The following CALN1 variants were observed in gnomAD, a reference collection of about 807,000 sequenced individuals.
CALN1 encodes the protein calneuron 1, also known as calcium-binding protein 8.
A neutral mutation model predicts 30.6 loss-of-function variants in CALN1; 17 were observed. That is an observed-to-expected ratio of 0.56 (90% CI 0.38 to 0.83). The LOEUF (loss-of-function observed/expected upper bound fraction) is 0.83. CALN1 is among the 40% of genes least tolerant of loss of function. CALN1 has a pLI of 0.00. For synonymous variants in CALN1, 156 were observed against 131.4 expected (o/e 1.19, Z -1.28); for missense variants, 291 against 354.9 (o/e 0.82, Z 1.45).
rs1217388366 is a variant in CALN1, at chr7:71,897,965, C to CAAA, written c.502-87476_502-87474dup. ...GCCAAGGAGTAGTGTTGGAAAAAAA[C>CAAA]AAAAAACAAAAAAAAAAAAAAAAAA... On this transcript the variant is annotated intron_variant, in intron 5 of 6. Coordinates refer to ENST00000395275, the MANE Select transcript of CALN1 (RefSeq NM_031468.4). 8.9e-3 allele frequency among the ~76,000 whole-genome samples: 489 copies of CAAA among 55,096 alleles called. 29 individuals carry two copies. Among genetic ancestry groups the CAAA allele is most frequent in the Non-Finnish European group, 9.9e-3 (275 of 27,854 alleles). The allele number at this position is 55,096 out of a possible 152,430, so 36.1% of individuals were successfully genotyped here.
chr7:71,914,914 C>G (rs1272713095), intron 5 of CALN1, among the ~76,000 whole-genome samples: 2 of 152,002 alleles, frequency 1.3e-5, no homozygotes, highest in African/African-American at 4.8e-5. Context: ...AGTCTAATAT[C>G]CAGTATATAT....
chr7:72,223,597 C>A (rs1044660515), intron 3 of CALN1, among the ~76,000 whole-genome samples: 1 of 152,112 alleles, frequency 6.6e-6, no homozygotes, highest in Non-Finnish European at 1.5e-5. Context: ...CCCTCACAGG[C>A]CCCCACAAAA....
At chr7:71,835,607 A>G (rs1294153667) in intron 5 of CALN1, among the ~76,000 whole-genome samples, 2 of 152,236 alleles carry the variant, frequency 1.3e-5, no homozygotes, top group East Asian at 3.8e-4. Context: ...TTGCTTATGA[A>G]ATTTTAATTA....
At chr7:72,472,233 G>A in the CALN1 span, among the ~76,000 whole-genome samples, 12 of 152,252 alleles carry the variant, frequency 7.9e-5, no homozygotes, top group South Asian at 2.1e-4. Context: ...CTTCCCACCC[G>A]CAGCATCTCC....
chr7:72,261,860 A>G (rs1395342800), intron 3 of CALN1, among the ~76,000 whole-genome samples: 1 of 152,188 alleles, frequency 6.6e-6, no homozygotes, highest in Non-Finnish European at 1.5e-5. Context: ...CCACTGAAAC[A>G]AAAATGGCCT....
At chr7:72,011,299 G>C (rs762719132) in intron 5 of CALN1, among the ~76,000 whole-genome samples, 1 of 152,230 alleles carries the variant, frequency 6.6e-6, no homozygotes, top group Non-Finnish European at 1.5e-5. Context: ...CCCAGTGTCT[G>C]GCTGGGAGGA....
At chr7:72,396,254 A>AAAAG (rs1198752752) in intron 2 of CALN1, among the ~76,000 whole-genome samples, 2 of 78,136 alleles carry the variant, frequency 2.6e-5, no homozygotes, top group South Asian at 4.2e-4. Context: ...AAAAAAAAAA[A>AAAAG]AAAGAAAGAA....
At chr7:72,129,465 G>A (rs537576357) in intron 3 of CALN1, among the ~76,000 whole-genome samples, 2 of 152,278 alleles carry the variant, frequency 1.3e-5, no homozygotes, top group Admixed American at 6.5e-5. Flanking sequence ...TAGATAGACA[G>A]ATAGATGAAT....
At chr7:71,827,771 T>TAAAAAA (rs1554347602) in intron 5 of CALN1, among the ~76,000 whole-genome samples, 1 of 96,940 alleles carries the variant, frequency 1.0e-5, no homozygotes, top group African/African-American at 3.4e-5. Context: ...GACTCCATCT[T>TAAAAAA]AAAAAAATAA....
chr7:72,160,130 G>A (rs1227824968), intron 3 of CALN1, among the ~76,000 whole-genome samples: 1 of 152,122 alleles, frequency 6.6e-6, no homozygotes, highest in Non-Finnish European at 1.5e-5. Flanking sequence ...TAGTAACACA[G>A]AGAATAACAT....
intron 1 of CALN1, among the ~76,000 whole-genome samples, chr7:72,407,477 C>T (rs1305714607): frequency 6.6e-6 from 1 of 152,174 alleles, no homozygotes; most frequent in African/African-American, 2.4e-5. Context: ...TGATACAGTT[C>T]TCATGAGATC....
chr7:72,215,593 C>CA (rs35459723), intron 3 of CALN1, among the ~76,000 whole-genome samples: 29,141 of 76,542 alleles, frequency 0.38, 4,985 homozygotes, highest in East Asian at 0.85. Context: ...AACTCCTGCT[C>CA]AAAAAAAAAA....
At chr7:72,172,991 T>C (rs1414144830) in intron 3 of CALN1, among the ~76,000 whole-genome samples, 1 of 149,066 alleles carries the variant, frequency 6.7e-6, no homozygotes. Context: ...GATAAATATC[T>C]TTTTTTTTTG....
intron 6 of CALN1, among the ~76,000 whole-genome samples, chr7:71,798,634 T>TG (rs397714377): frequency 6.8e-6 from 1 of 147,204 alleles, no homozygotes; most frequent in African/African-American, 2.5e-5. Flanking sequence ...TTTTTTTTTT[T>TG]CTTCTCAGAT....
chr7:72,211,491 T>C lies in CALN1; in HGVS notation c.244+67195A>G, dbSNP rs144785892. ...GCATCTCTCCTGTGTCTCCTGACTT[T>C]GGGCAAATGAACTTACTCCTATCAT... On this transcript the variant is annotated intron_variant, in intron 3 of 6. Coordinates refer to ENST00000395275, the MANE Select transcript of CALN1 (RefSeq NM_031468.4). Among the ~76,000 whole-genome samples the C allele has an allele frequency of 9.2e-5, 14 of 152,220 alleles. No homozygotes were observed. In the East Asian group the frequency reaches 2.5e-3, roughly 27 times the overall value.
intron 5 of CALN1, among the ~76,000 whole-genome samples, chr7:71,954,156 T>C (rs1281432429): frequency 1.3e-5 from 2 of 151,996 alleles, no homozygotes; most frequent in East Asian, 1.9e-4. Context: ...AGACATCATC[T>C]CTATGAGAAA....
In CALN1 at chr7:71,786,454, A is replaced by G. The variant is rs1792984474; in HGVS notation, c.*1321T>C. 1 of 152,194 alleles carries G rather than the reference A, an allele frequency of 6.6e-6. No homozygotes were observed. The highest frequency in any genetic ancestry group is 2.1e-4 in the South Asian group (1 of 4,832). The allele number at this position is 152,194 out of a possible 1,614,324, so 9.4% of individuals were successfully genotyped here. On this transcript the variant is annotated 3_prime_UTR_variant, in exon 7 of 7. Transcript: ENST00000395275. ...AAAGTCAGGAAATTACAGACTTGGA[A>G]TGGTGTTGAAAACAGATCCTTGGAT...
At chr7:71,965,571 C>T (rs1584628697) in intron 5 of CALN1, among the ~76,000 whole-genome samples, 1 of 108,454 alleles carries the variant, frequency 9.2e-6, no homozygotes, top group South Asian at 3.1e-4. Context: ...ACAGTAACAA[C>T]AAACAAACAA....
intron 3 of CALN1, among the ~76,000 whole-genome samples, chr7:72,169,539 T>C (rs563405920): frequency 2.0e-5 from 3 of 151,312 alleles, no homozygotes; most frequent in East Asian, 3.9e-4. Flanking sequence ...CCCAGGCTGG[T>C]CCTGAACTCC....
Sources: gnomAD v4.1 joint callset for allele counts (sites outside exome capture counted in the v4.1 genomes callset) on GRCh38, gnomAD v4.1.1 for gene constraint, MANE v1.5 for transcripts, NCBI Gene and HGNC (gene_info 2026-07-23, HGNC 2026-07-21) for gene names.